BMPR2: variants seen among roughly 807,000 people sequenced by gnomAD.
BMPR2 encodes bone morphogenetic protein receptor type 2, also known as bone morphogenetic protein receptor type-2.
Under a neutral mutation model 100.8 loss-of-function variants are expected in BMPR2, and 29 were observed. That is an observed-to-expected ratio of 0.29 (90% CI 0.21 to 0.39). The LOEUF (loss-of-function observed/expected upper bound fraction) is 0.39, where lower values mean the gene tolerates loss of function less well. Ranked by LOEUF, BMPR2 falls within the 10% of genes least tolerant of loss-of-function variation. BMPR2 has a pLI of 1.00. For missense variants in BMPR2, 1,011 were observed against 1,274.5 expected, an observed-to-expected ratio of 0.79 and a Z score of 3.15; for synonymous variants, 382 against 442.3, an observed-to-expected ratio of 0.86 and a Z score of 1.71.
At chr2:202,384,530 C>CTTTCTTTCTTTCTT (rs1426768146) in intron 1 of BMPR2, among the ~76,000 whole-genome samples, 14 of 107,716 alleles carry the variant, frequency 1.3e-4, no homozygotes, top group African/African-American at 5.1e-4. Context: ...TTCTTTCTTT[C>CTTTCTTTCTTTCTT]TCTTTCTTTC....
rs528394114 is a variant in BMPR2, at chr2:202,436,875, G to A, written c.77-27934G>A. The stretch of plus-strand genomic sequence containing the variant: ...CTCTAGAATTCTTTACTAGGTCTTC[G>A]CAAAATATTTCGCCTTGCAGTAAGA... On this transcript the variant is annotated intron_variant, in intron 1 of 12. Coordinates refer to ENST00000374580, the MANE Select transcript of BMPR2 (RefSeq NM_001204.7). Among the ~76,000 whole-genome samples, 59 of 150,680 alleles carry A rather than the reference G, an allele frequency of 3.9e-4. 2 individuals carry two copies. The highest frequency in any genetic ancestry group is 7.9e-4 in the Non-Finnish European group (54 of 68,006).
intron 1 of BMPR2, among the ~76,000 whole-genome samples, chr2:202,408,303 T>G (rs1690945008): frequency 6.6e-6 from 1 of 152,248 alleles, no homozygotes; most frequent in Admixed American, 6.5e-5. Context: ...CAAAATAATT[T>G]CATATTCTTA....
chr2:202,448,738 G>A (rs1389126893), intron 1 of BMPR2, among the ~76,000 whole-genome samples: 5 of 151,922 alleles, frequency 3.3e-5, no homozygotes, highest in Non-Finnish European at 5.9e-5. Flanking sequence ...TTACAGGCAT[G>A]AGCCACCGCG....
chr2:202,549,272 G>A (rs1031225944), intron 10 of BMPR2, among the ~76,000 whole-genome samples: 1 of 151,794 alleles, frequency 6.6e-6, no homozygotes, highest in African/African-American at 2.4e-5. Flanking sequence ...CTTATGTGTA[G>A]CCATAGTTTA....
intron 1 of BMPR2, among the ~76,000 whole-genome samples, chr2:202,404,518 A>G (rs563637785): frequency 1.3e-5 from 2 of 152,260 alleles, no homozygotes; most frequent in South Asian, 4.2e-4. Flanking sequence ...TTTGCTAGGT[A>G]TATGGATTTG....
At chr2:202,478,668 A>G (rs985718935) in intron 3 of BMPR2, among the ~76,000 whole-genome samples, 3 of 152,182 alleles carry the variant, frequency 2.0e-5, no homozygotes, top group Non-Finnish European at 4.4e-5. Context: ...CAGCATTTTG[A>G]GAGCCTGAAG....
chr2:202,540,245 T>A (rs1008377292), intron 9 of BMPR2, among the ~76,000 whole-genome samples: 2 of 151,172 alleles, frequency 1.3e-5, no homozygotes, highest in African/African-American at 2.5e-5. Flanking sequence ...GAAAAAAAAA[T>A]AATAAATAAC....
chr2:202,559,727 A>G lies in BMPR2; in HGVS notation c.2898A>G (p.Gly966=), dbSNP rs2105716112. The change falls in exon 13 of 13, where the codon GGA becomes GGG. Residue 966 remains glycine (G), a synonymous_variant. Transcript: ENST00000374580. Reference sequence around the variant, plus strand: ...AGTCAACACAAGATGGCAAATCAGGATCAGGTGAAAAGATCAAGAAACGTG... The same window carrying G: ...AGTCAACACAAGATGGCAAATCAGGGTCAGGTGAAAAGATCAAGAAACGTG... ...IGESTQDGKS[G]SGEKIKKRVK... 2 of 1,614,162 alleles carry G rather than the reference A, an allele frequency of 1.2e-6. No homozygotes were observed. The highest frequency in any genetic ancestry group is 1.6e-4 in the Middle Eastern group (1 of 6,062).
In BMPR2 at chr2:202,534,432, G is replaced by T. The variant is rs556922011; in HGVS notation, c.1276+1700G>T. ...CCTTCCGCAGTGTTTGTGTCCCTGG[G>T]TACTTGAGATTAGGGAGTGGTGATG... On this transcript the variant is annotated intron_variant, in intron 9 of 12. Coordinates refer to ENST00000374580, the MANE Select transcript of BMPR2 (RefSeq NM_001204.7). Among the ~76,000 whole-genome samples, 916 of 151,712 alleles carry T rather than the reference G, an allele frequency of 6.0e-3. 4 individuals carry two copies. The highest frequency in any genetic ancestry group is 0.014 in the Middle Eastern group (4 of 294).
intron 1 of BMPR2, among the ~76,000 whole-genome samples, chr2:202,382,058 G>GT (rs1216592236): frequency 0.084 from 9,535 of 113,756 alleles, 462 homozygotes; most frequent in Non-Finnish European, 0.11. Flanking sequence ...TTTTGTTTTT[G>GT]TTTTTTTTTT....
At chr2:202,473,769 C>T (rs1215365343) in intron 3 of BMPR2, among the ~76,000 whole-genome samples, 3 of 150,130 alleles carry the variant, frequency 2.0e-5, no homozygotes, top group African/African-American at 2.5e-5. Context: ...CCAGCCTGGG[C>T]GACAGAGTGA....
intron 3 of BMPR2, chr2:202,475,163 G>C (rs956093220): frequency 1.3e-5 from 2 of 151,794 alleles, no homozygotes; most frequent in Admixed American, 1.3e-4. Context: ...GTTTTGTGTT[G>C]TTGTTTTTTG....
chr2:202,554,594 A>G (rs1448362765), intron 11 of BMPR2, among the ~76,000 whole-genome samples: 1 of 152,156 alleles, frequency 6.6e-6, no homozygotes, highest in Non-Finnish European at 1.5e-5. Context: ...AATGACAATG[A>G]CAGCAAAGAA....
At position 202,566,225 on chromosome 2, in the gene BMPR2, A is replaced by G. The variant is rs958200242; in HGVS notation, c.*6279A>G. 6.6e-6 allele frequency: 1 copy of G among 152,608 alleles called. No homozygotes were observed. Among genetic ancestry groups the G allele is most frequent in the Non-Finnish European group, 1.5e-5 (1 of 68,008 alleles). 9.5% of individuals were successfully genotyped at this position (152,608 alleles called of 1,614,324 possible). On this transcript the variant is annotated 3_prime_UTR_variant, in exon 13 of 13. Coordinates refer to ENST00000374580, the MANE Select transcript of BMPR2 (RefSeq NM_001204.7). Reference sequence around the variant, plus strand: ...ATTTATACCTTTAGATTTCAGAAACATCTTCATGTTTTAGATGCATTCTAC... The same window carrying G: ...ATTTATACCTTTAGATTTCAGAAACGTCTTCATGTTTTAGATGCATTCTAC...
chr2:202,412,472 C>T (rs1187768557), intron 1 of BMPR2, among the ~76,000 whole-genome samples: 2 of 152,086 alleles, frequency 1.3e-5, no homozygotes, highest in Non-Finnish European at 2.9e-5. Context: ...GTGCCCGCCA[C>T]CATGCCCTGC....
chr2:202,397,892 G>T (rs1029688872), intron 1 of BMPR2, among the ~76,000 whole-genome samples: 4 of 151,608 alleles, frequency 2.6e-5, no homozygotes, highest in Non-Finnish European at 4.4e-5. Context: ...AGGCTGAGGT[G>T]GGCGGATCAC....
chr2:202,494,624 A>G (rs927861368), intron 3 of BMPR2, among the ~76,000 whole-genome samples: 2 of 152,250 alleles, frequency 1.3e-5, no homozygotes, highest in Non-Finnish European at 2.9e-5. Context: ...TTTAACTGAG[A>G]AAACTTAATA....
chr2:202,501,545 C>CCTAAGTAAGG (rs1399485828), intron 3 of BMPR2, among the ~76,000 whole-genome samples: 6 of 152,196 alleles, frequency 3.9e-5, no homozygotes. Context: ...GACAATCCCA[C>CCTAAGTAAGG]AACCAGTGGC....
At chr2:202,536,588 T>C (rs927813776) in intron 9 of BMPR2, among the ~76,000 whole-genome samples, 6 of 151,968 alleles carry the variant, frequency 3.9e-5, no homozygotes, top group African/African-American at 1.4e-4. Flanking sequence ...AAGTACTTTT[T>C]TTGGCCGGGT....
Sources: allele counts gnomAD v4.1 joint callset (sites outside exome capture counted in the v4.1 genomes callset), GRCh38; gene constraint gnomAD v4.1.1; transcripts MANE v1.5; gene names NCBI Gene and HGNC (gene_info 2026-07-23, HGNC 2026-07-21).